GRIK2: variants seen among roughly 807,000 people sequenced by gnomAD.
The protein encoded by GRIK2 is glutamate ionotropic receptor kainate type subunit 2, also known as glutamate receptor ionotropic, kainate 2.
A neutral mutation model predicts 100.3 loss-of-function variants in GRIK2; 32 were observed. The observed-to-expected ratio is 0.32, with a 90% CI of 0.24 to 0.43. The LOEUF is 0.43. Ranked by LOEUF, GRIK2 falls within the 20% of genes least tolerant of loss-of-function variation. The pLI, the probability that GRIK2 is intolerant of heterozygous loss-of-function variation, is 1.00. For synonymous variants in GRIK2, 417 were observed against 389.4 expected (o/e 1.07, Z -0.83); for missense variants, 843 against 1,114.9 (o/e 0.76, Z 3.47).
At chr6:101,412,036 A>G (rs1775908272) in intron 2 of GRIK2, among the ~76,000 whole-genome samples, 1 of 152,044 alleles carries the variant, frequency 6.6e-6, no homozygotes, top group Non-Finnish European at 1.5e-5. Flanking sequence ...ATGGTCCAGA[A>G]TCTAGGCTGA....
chr6:101,882,215 G>A (rs758654335), intron 11 of GRIK2, among the ~76,000 whole-genome samples: 15 of 151,908 alleles, frequency 9.9e-5, no homozygotes, highest in Non-Finnish European at 1.8e-4. Flanking sequence ...AAGAGATTTG[G>A]GTGGGGACAC....
intron 2 of GRIK2, among the ~76,000 whole-genome samples, chr6:101,404,352 A>C (rs1013589317): frequency 6.6e-6 from 1 of 152,214 alleles, no homozygotes; most frequent in Admixed American, 6.5e-5. Context: ...CATTACATAA[A>C]GTGTTGTCTA....
At chr6:101,584,185 T>G (rs965670429) in intron 2 of GRIK2, among the ~76,000 whole-genome samples, 1 of 152,080 alleles carries the variant, frequency 6.6e-6, no homozygotes, top group African/African-American at 2.4e-5. Flanking sequence ...ACTTCATTTG[T>G]AATACTCAGT....
intron 2 of GRIK2, among the ~76,000 whole-genome samples, chr6:101,406,126 A>AT (rs1775583480): frequency 6.6e-6 from 1 of 152,080 alleles, no homozygotes; most frequent in Non-Finnish European, 1.5e-5. Context: ...ATATTCTTGT[A>AT]TTTTCAAAGT....
intron 11 of GRIK2, among the ~76,000 whole-genome samples, chr6:101,887,091 G>A (rs1406201748): frequency 6.6e-6 from 1 of 151,860 alleles, no homozygotes; most frequent in Non-Finnish European, 1.5e-5. Flanking sequence ...GCCTCCCAAA[G>A]TGTTGGGATT....
chr6:101,664,608 G>T (rs918843693), intron 4 of GRIK2, among the ~76,000 whole-genome samples: 2 of 152,156 alleles, frequency 1.3e-5, no homozygotes, highest in African/African-American at 4.8e-5. Context: ...TTTGATAATG[G>T]CATAATTGCT....
At chr6:101,600,079 T>G (rs1779131670) in intron 2 of GRIK2, among the ~76,000 whole-genome samples, 1 of 151,892 alleles carries the variant, frequency 6.6e-6, no homozygotes. Flanking sequence ...AATTTTTATG[T>G]AAGGTTAAAA....
In GRIK2 at chr6:101,889,857, T is replaced by C. The variant is rs1259995835; in HGVS notation, c.1742T>C (p.Ile581Thr). 3 of 1,597,658 alleles carry C rather than the reference T, an allele frequency of 1.9e-6. No homozygotes were observed. The highest frequency in any genetic ancestry group is 1.7e-6 in the Non-Finnish European group (2 of 1,165,262). ...GGTGTCAGTTGTGTGCTCTTTGTCA[T>C]AGCCAGGTAACATGCTCACTTTTGT... is the stretch of plus-strand genomic sequence containing the variant. ...YLGVSCVLFVIARFSPYEWYN... is the reference protein window; with the variant it reads ...YLGVSCVLFVTARFSPYEWYN... Residue 581 changes from isoleucine (I) to threonine (T), a missense_variant, in exon 12 of 17, where the codon ATA becomes ACA. Ile to Thr is a moderately conservative substitution (Grantham distance 89). Transcript: ENST00000369134.
intron 7 of GRIK2, among the ~76,000 whole-genome samples, chr6:101,694,382 G>A (rs567059553): frequency 3.3e-5 from 5 of 152,206 alleles, no homozygotes; most frequent in Admixed American, 3.3e-4. Context: ...AGTTAAAGGA[G>A]TGGATTGGGA....
At chr6:101,418,816 A>T (rs1046457584) in intron 2 of GRIK2, among the ~76,000 whole-genome samples, 2 of 152,204 alleles carry the variant, frequency 1.3e-5, no homozygotes, top group African/African-American at 2.4e-5. Flanking sequence ...GACATGTATA[A>T]AATCCAAAAT....
intron 2 of GRIK2, among the ~76,000 whole-genome samples, chr6:101,435,981 A>T (rs879641820): frequency 6.6e-6 from 1 of 152,038 alleles, no homozygotes; most frequent in African/African-American, 2.4e-5. Flanking sequence ...CTTTTATTTC[A>T]TATGGAAATA....
At chr6:101,744,414 C>T (rs985489676) in intron 7 of GRIK2, among the ~76,000 whole-genome samples, 1 of 150,638 alleles carries the variant, frequency 6.6e-6, no homozygotes, top group East Asian at 2.0e-4. Flanking sequence ...AAATAATGGT[C>T]TCCAATTCCA....
At chr6:101,906,903 T>G (rs1469737626) in intron 12 of GRIK2, among the ~76,000 whole-genome samples, 1 of 151,772 alleles carries the variant, frequency 6.6e-6, no homozygotes, top group African/African-American at 2.4e-5. Context: ...CCTCATATGT[T>G]ATTTTACAAA....
At chr6:101,704,653 A>T (rs1773130198) in intron 7 of GRIK2, among the ~76,000 whole-genome samples, 1 of 151,526 alleles carries the variant, frequency 6.6e-6, no homozygotes, top group South Asian at 2.1e-4. Context: ...TTTTCAGAAT[A>T]TGTAGCCTCC....
intron 7 of GRIK2, among the ~76,000 whole-genome samples, chr6:101,688,412 T>C (rs912794337): frequency 5.3e-5 from 8 of 151,850 alleles, no homozygotes; most frequent in African/African-American, 1.9e-4. Flanking sequence ...CGAAATGAAG[T>C]AATCCCTAAT....
chr6:102,057,025 C>T (rs968882607), intron 16 of GRIK2, among the ~76,000 whole-genome samples: 2 of 151,850 alleles, frequency 1.3e-5, no homozygotes, highest in South Asian at 4.1e-4. Context: ...ATGTTATAAT[C>T]ATTTTTAAAG....
chr6:101,688,033 G>A (rs1197516411), intron 7 of GRIK2, among the ~76,000 whole-genome samples: 1 of 146,678 alleles, frequency 6.8e-6, no homozygotes, highest in Non-Finnish European at 1.5e-5. Context: ...TTAAATTGTT[G>A]TTATGATCAT....
rs186272009 is a variant in GRIK2, at chr6:101,615,160, A to G, written c.116-6789A>G. Among the ~76,000 whole-genome samples the G allele has an allele frequency of 2.6e-5, 4 of 151,844 alleles. No homozygotes were observed. In the South Asian group the frequency reaches 6.2e-4, roughly 24 times the overall value. On this transcript the variant is annotated intron_variant, in intron 2 of 16. Coordinates refer to ENST00000369134, the MANE Select transcript of GRIK2 (RefSeq NM_021956.5). ...CCTCTCCTTCTTTTTTTCTTCTTTT[A>G]ACAAGCCTTTTGTAGTGAAGAGAAC...
intron 2 of GRIK2, among the ~76,000 whole-genome samples, chr6:101,611,082 T>C (rs919398712): frequency 6.6e-6 from 1 of 151,816 alleles, no homozygotes; most frequent in Non-Finnish European, 1.5e-5. Context: ...TGGATTTTAA[T>C]GGTCCATTTA....
Sources: gnomAD v4.1 joint callset for allele counts (sites outside exome capture counted in the v4.1 genomes callset) on GRCh38, gnomAD v4.1.1 for gene constraint, MANE v1.5 for transcripts, NCBI Gene and HGNC (gene_info 2026-07-23, HGNC 2026-07-21) for gene names.